Variants in VTA1 observed in about 807,000 individuals in gnomAD.
VTA1 encodes vacuolar protein sorting-associated protein VTA1 homolog.
Under a neutral mutation model 36.9 loss-of-function variants are expected in VTA1, and 24 were observed. That is an observed-to-expected ratio of 0.65 (90% CI 0.47 to 0.91). VTA1 has a LOEUF of 0.91. Among genes scored for constraint, VTA1 ranks in the 40% least tolerant of loss-of-function variants. The pLI is 0.00. For synonymous variants in VTA1, 142 were observed against 130.2 expected (o/e 1.09, Z -0.62); for missense variants, 393 against 377.2 (o/e 1.04, Z -0.35).
At position 142,219,527 on chromosome 6, in the gene VTA1, A is replaced by T. The variant is rs976107493; in HGVS notation, c.*884A>T. ...AAGTTTATAAGTTTTGTGGGGAATTATGAACTTACTGTGTACTACCTGCAT... is the reference window on the plus strand; with the variant it reads ...AAGTTTATAAGTTTTGTGGGGAATTTTGAACTTACTGTGTACTACCTGCAT... On this transcript the variant is annotated 3_prime_UTR_variant, in exon 8 of 8. Coordinates refer to ENST00000367630, the MANE Select transcript of VTA1 (RefSeq NM_016485.5). The T allele has an allele frequency of 1.3e-5, 2 of 152,230 alleles. No individual in the cohort carries two copies. Among genetic ancestry groups the T allele is most frequent in the Non-Finnish European group, 2.9e-5 (2 of 68,028 alleles). The allele number at this position is 152,230 out of a possible 1,614,324, so 9.4% of individuals were successfully genotyped here.
rs1775179993 is a variant in VTA1, at chr6:142,179,253, C to T, written c.411+8832C>T. 2.0e-5 allele frequency among the ~76,000 whole-genome samples: 3 copies of T among 151,890 alleles called. No individual in the cohort carries two copies. The South Asian group carries it at 6.2e-4, about 31-fold the overall frequency. The stretch of plus-strand genomic sequence containing the variant: ...TGTCTAGAATGTGAAAAACCAAGCG[C>T]TTTCATACATTGCTTGATGGAGATG... On this transcript the variant is annotated intron_variant, in intron 4 of 7. Coordinates refer to ENST00000367630, the MANE Select transcript of VTA1 (RefSeq NM_016485.5).
chr6:142,163,996 T>A (rs1291460353), intron 1 of VTA1, among the ~76,000 whole-genome samples: 2 of 152,146 alleles, frequency 1.3e-5, no homozygotes, highest in African/African-American at 4.8e-5. Flanking sequence ...GTTTTGCCAA[T>A]CCCTGGGATC....
At chr6:142,197,112 A>G (rs1375874824) in intron 5 of VTA1, among the ~76,000 whole-genome samples, 2 of 152,108 alleles carry the variant, frequency 1.3e-5, no homozygotes, top group African/African-American at 4.8e-5. Context: ...TCTCATTTCT[A>G]CCAGCTTTTG....
chr6:142,163,380 C>A (rs1386209104), intron 1 of VTA1, among the ~76,000 whole-genome samples: 1 of 152,066 alleles, frequency 6.6e-6, no homozygotes, highest in African/African-American at 2.4e-5. Flanking sequence ...AACAGTCTTT[C>A]CTAACTATTT....
rs1433510735 is a variant in VTA1, at chr6:142,223,311, T to G, written c.*4668T>G. ...AGGGTTTGAGTAATGCTACAATGGA[T>G]TTATAGGTCATTTTGGAGAAGGTGT... On this transcript the variant is annotated 3_prime_UTR_variant, in exon 8 of 8. Transcript: ENST00000367630. The G allele has an allele frequency of 1.3e-5, 2 of 152,126 alleles. No homozygotes were observed. Among genetic ancestry groups the G allele is most frequent in the East Asian group, 3.9e-4 (2 of 5,194 alleles). The allele number at this position is 152,126 out of a possible 1,614,324, so 9.4% of individuals were successfully genotyped here.
chr6:142,183,423 C>T (rs1286422488), intron 4 of VTA1, among the ~76,000 whole-genome samples: 1 of 152,198 alleles, frequency 6.6e-6, no homozygotes, highest in East Asian at 1.9e-4. Flanking sequence ...GAAAATCCCT[C>T]CTCCCGCCTA....
intron 1 of VTA1, among the ~76,000 whole-genome samples, chr6:142,148,008 C>T (rs771800772): frequency 2.0e-5 from 3 of 152,086 alleles, no homozygotes; most frequent in Non-Finnish European, 4.4e-5. Context: ...GCAGTATTTT[C>T]ACTTTGAGTG....
At chr6:142,172,535 T>C (rs1435364372) in intron 4 of VTA1, among the ~76,000 whole-genome samples, 1 of 152,234 alleles carries the variant, frequency 6.6e-6, no homozygotes, top group Non-Finnish European at 1.5e-5. Flanking sequence ...GGAGAACTGA[T>C]ACCCGGAGTG....
rs1776167503 is a variant in VTA1, at chr6:142,224,492, T to C, written c.*5849T>C. The C allele has an allele frequency of 6.6e-6, 1 of 152,230 alleles. No homozygotes were observed. The highest frequency in any genetic ancestry group is 2.1e-4 in the South Asian group (1 of 4,836). The allele number at this position is 152,230 out of a possible 1,614,324, so 9.4% of individuals were successfully genotyped here. ...TGATCACTTAACTTTATGTATCACG[T>C]AAGTTAAACTTTATTTATTTACATG... On this transcript the variant is annotated 3_prime_UTR_variant, in exon 8 of 8. Coordinates refer to ENST00000367630, the MANE Select transcript of VTA1 (RefSeq NM_016485.5).
chr6:142,217,571 C>T (rs746648390), intron 7 of VTA1, among the ~76,000 whole-genome samples: 27 of 151,160 alleles, frequency 1.8e-4, no homozygotes, highest in Admixed American at 3.3e-4. Context: ...TACACACACG[C>T]AGCATAAAAT....
intron 7 of VTA1, among the ~76,000 whole-genome samples, chr6:142,214,686 G>C (rs1030342963): frequency 9.2e-5 from 14 of 152,106 alleles, no homozygotes; most frequent in Non-Finnish European, 1.3e-4. Flanking sequence ...CATAGACTCT[G>C]GGTAATACTG....
chr6:142,147,391 C>T lies in VTA1; in HGVS notation c.104C>T (p.Ala35Val), dbSNP rs1778468902. The stretch of plus-strand genomic sequence containing the variant: ...CATGACAAGCGAGACCCTGTGGTGG[C>T]TTATTACTGTGAGTCTTTCCGAGTG... The part of the protein sequence containing the change: ...QEHDKRDPVV[A>V]YYCRLYAMQT... The change falls in exon 1 of 8, where the codon GCT (alanine) becomes GTT (valine). Residue 35 changes from alanine (A) to valine (V), a missense_variant. Ala to Val is a moderately conservative substitution (Grantham distance 64). Coordinates refer to ENST00000367630, the MANE Select transcript of VTA1 (RefSeq NM_016485.5). The T allele has an allele frequency of 1.2e-6, 2 of 1,613,894 alleles. No individual in the cohort carries two copies. Among genetic ancestry groups the T allele is most frequent in the Non-Finnish European group, 1.7e-6 (2 of 1,179,968 alleles).
chr6:142,159,370 T>A (rs1442671183), intron 1 of VTA1, among the ~76,000 whole-genome samples: 1 of 151,638 alleles, frequency 6.6e-6, no homozygotes, highest in African/African-American at 2.4e-5. Context: ...TCTCAAAAAT[T>A]ATATAAACTA....
chr6:142,176,424 A>T, intron 4 of VTA1, among the ~76,000 whole-genome samples: 1 of 152,208 alleles, frequency 6.6e-6, no homozygotes, highest in Non-Finnish European at 1.5e-5. Context: ...AATGTAGGGA[A>T]GGTATGCATT....
chr6:142,149,055 C>G (rs1582871886), intron 1 of VTA1, among the ~76,000 whole-genome samples: 1 of 152,218 alleles, frequency 6.6e-6, no homozygotes, highest in Non-Finnish European at 1.5e-5. Context: ...CTAGATTTTT[C>G]TAAACCTAAT....
intron 1 of VTA1, among the ~76,000 whole-genome samples, chr6:142,154,082 A>C (rs938473558): frequency 6.6e-6 from 1 of 152,020 alleles, no homozygotes; most frequent in African/African-American, 2.4e-5. Flanking sequence ...TCCTGTACCC[A>C]TTACCATAGT....
At chr6:142,163,470 G>A (rs568403247) in intron 1 of VTA1, among the ~76,000 whole-genome samples, 14 of 152,212 alleles carry the variant, frequency 9.2e-5, no homozygotes, top group African/African-American at 3.1e-4. Context: ...TTTTGGCTAG[G>A]TATGTTACAA....
At chr6:142,160,552 T>C (rs1774782052) in intron 1 of VTA1, among the ~76,000 whole-genome samples, 1 of 152,040 alleles carries the variant, frequency 6.6e-6, no homozygotes, top group African/African-American at 2.4e-5. Context: ...CCAGTGTGTT[T>C]TTTCAACTCA....
intron 4 of VTA1, among the ~76,000 whole-genome samples, chr6:142,187,666 C>T (rs1029051085): frequency 6.6e-6 from 1 of 152,082 alleles, no homozygotes; most frequent in East Asian, 1.9e-4. Flanking sequence ...AATGTCATAC[C>T]TGGAAGAAAA....
Sources: allele counts gnomAD v4.1 joint callset (sites outside exome capture counted in the v4.1 genomes callset), GRCh38; gene constraint gnomAD v4.1.1; transcripts MANE v1.5; gene names NCBI Gene and HGNC (gene_info 2026-07-23, HGNC 2026-07-21).